HPSE2: variants seen among roughly 807,000 people sequenced by gnomAD.
HPSE2 encodes the protein heparanase 2 (inactive), also known as inactive heparanase-2.
Under a neutral mutation model 60.5 loss-of-function variants are expected in HPSE2, and 38 were observed. That is an observed-to-expected ratio of 0.63 (90% CI 0.48 to 0.82). The LOEUF is 0.82. HPSE2 is among the 40% of genes least tolerant of loss of function. The pLI, the probability that HPSE2 is intolerant of heterozygous loss-of-function variation, is 0.00. For missense variants in HPSE2, 713 were observed against 740.4 expected, an observed-to-expected ratio of 0.96 and a Z score of 0.43; for synonymous variants, 295 against 293.2, an observed-to-expected ratio of 1.01 and a Z score of -0.06.
chr10:98,842,073 A>C (rs1300828995), intron 3 of HPSE2, among the ~76,000 whole-genome samples: 1 of 152,088 alleles, frequency 6.6e-6, no homozygotes, highest in East Asian at 1.9e-4. Context: ...CCCAAAGTGC[A>C]GGGATTACAG....
intron 3 of HPSE2, among the ~76,000 whole-genome samples, chr10:99,018,363 G>A (rs1186944511): frequency 3.3e-5 from 5 of 152,158 alleles, no homozygotes; most frequent in African/African-American, 1.2e-4. Flanking sequence ...GGAATTACAA[G>A]CAGCCTCAAG....
chr10:98,584,547 T>C (rs777183593), intron 9 of HPSE2, among the ~76,000 whole-genome samples: 1 of 152,136 alleles, frequency 6.6e-6, no homozygotes, highest in Non-Finnish European at 1.5e-5. Context: ...TAGCAAACAA[T>C]AGTTTGCACC....
intron 2 of HPSE2, among the ~76,000 whole-genome samples, chr10:99,154,849 A>G (rs1346399333): frequency 6.6e-6 from 1 of 152,150 alleles, no homozygotes; most frequent in Non-Finnish European, 1.5e-5. Context: ...TGCTGTATTC[A>G]GGAAACCCAA....
intron 5 of HPSE2, among the ~76,000 whole-genome samples, chr10:98,701,260 A>C (rs998219180): frequency 7.2e-5 from 9 of 125,486 alleles, no homozygotes; most frequent in African/African-American, 2.4e-4. Flanking sequence ...ACAATGATAG[A>C]CTGGATTAAG....
chr10:98,527,060 C>T (rs1268190629), intron 9 of HPSE2, among the ~76,000 whole-genome samples: 3 of 151,960 alleles, frequency 2.0e-5, no homozygotes. Context: ...CCTTGGTTCC[C>T]CTCTTAACCT....
chr10:99,244,382 T>TTTATTA, the HPSE2 span, among the ~76,000 whole-genome samples: 22,103 of 133,758 alleles, frequency 0.17, 2,090 homozygotes, highest in Admixed American at 0.21. Flanking sequence ...TTTTATTTCT[T>TTTATTA]TTATTATTAT....
intron 3 of HPSE2, among the ~76,000 whole-genome samples, chr10:98,812,232 T>C (rs1322194914): frequency 1.3e-5 from 2 of 152,104 alleles, no homozygotes; most frequent in Non-Finnish European, 2.9e-5. Context: ...ACAAAGAATA[T>C]TGTTTAGGGA....
At chr10:99,223,840 T>G (rs1475029153) in intron 2 of HPSE2, among the ~76,000 whole-genome samples, 2 of 152,096 alleles carry the variant, frequency 1.3e-5, no homozygotes, top group African/African-American at 4.8e-5. Context: ...AATTAATGGG[T>G]ACTGACTTAG....
intron 3 of HPSE2, among the ~76,000 whole-genome samples, chr10:99,099,676 G>C (rs1843867943): frequency 6.6e-6 from 1 of 152,238 alleles, no homozygotes; most frequent in African/African-American, 2.4e-5. Flanking sequence ...TGAGACCTAA[G>C]AACAGACAGA....
chr10:99,146,888 G>T (rs1846077254), intron 2 of HPSE2, among the ~76,000 whole-genome samples: 1 of 151,946 alleles, frequency 6.6e-6, no homozygotes, highest in African/African-American at 2.4e-5. Flanking sequence ...ATAAGCAAGA[G>T]GGTAAAGGAT....
At chr10:98,836,192 A>G (rs1951786239) in intron 3 of HPSE2, among the ~76,000 whole-genome samples, 2 of 152,220 alleles carry the variant, frequency 1.3e-5, no homozygotes, top group South Asian at 2.1e-4. Context: ...ACATCTTTCT[A>G]TTTCATAGAT....
chr10:99,206,653 A>T (rs1417119195), intron 2 of HPSE2, among the ~76,000 whole-genome samples: 4 of 152,116 alleles, frequency 2.6e-5, no homozygotes, highest in Non-Finnish European at 5.9e-5. Context: ...TGGTAAAAAG[A>T]AACAAATGAA....
At chr10:98,731,638 C>T (rs1949230519) in intron 4 of HPSE2, among the ~76,000 whole-genome samples, 1 of 152,112 alleles carries the variant, frequency 6.6e-6, no homozygotes, top group South Asian at 2.1e-4. Context: ...CTTGATAAAG[C>T]GTATCTAAGA....
chr10:98,856,399 A>G (rs1952316017), intron 3 of HPSE2, among the ~76,000 whole-genome samples: 1 of 152,208 alleles, frequency 6.6e-6, no homozygotes, highest in Non-Finnish European at 1.5e-5. Flanking sequence ...AACCAGATTA[A>G]AACAAACAAG....
At chr10:98,562,274 T>C (rs1944208774) in intron 9 of HPSE2, among the ~76,000 whole-genome samples, 1 of 152,218 alleles carries the variant, frequency 6.6e-6, no homozygotes, top group South Asian at 2.1e-4. Flanking sequence ...CACACTATGA[T>C]GTTCACACAA....
chr10:98,465,318 G>A (rs1940479741), intron 11 of HPSE2, among the ~76,000 whole-genome samples: 1 of 152,148 alleles, frequency 6.6e-6, no homozygotes, highest in Admixed American at 6.5e-5. Context: ...TACAACAATT[G>A]AGGCAGGTGT....
intron 3 of HPSE2, among the ~76,000 whole-genome samples, chr10:99,123,861 C>A (rs931817460): frequency 1.3e-5 from 2 of 152,120 alleles, no homozygotes; most frequent in East Asian, 3.9e-4. Flanking sequence ...TAGCTCATAT[C>A]CACAGGCAGG....
chr10:99,305,288 G>C, the HPSE2 span, among the ~76,000 whole-genome samples: 33 of 152,176 alleles, frequency 2.2e-4, no homozygotes, highest in South Asian at 2.1e-4. Flanking sequence ...CCTCTGTAAA[G>C]TGGAGTGAAA....
At chr10:98,854,791 G>A (rs1952268252) in intron 3 of HPSE2, among the ~76,000 whole-genome samples, 1 of 152,176 alleles carries the variant, frequency 6.6e-6, no homozygotes, top group African/African-American at 2.4e-5. Context: ...CTCTGTACTT[G>A]TAGATTTAGT....
Sources: allele counts gnomAD v4.1 joint callset (sites outside exome capture counted in the v4.1 genomes callset), GRCh38; gene constraint gnomAD v4.1.1; transcripts MANE v1.5; gene names NCBI Gene and HGNC (gene_info 2026-07-23, HGNC 2026-07-21).